USH2A: variants seen among roughly 807,000 people sequenced by gnomAD.
USH2A encodes the protein Usher syndrome 2A (autosomal recessive, mild).
Under a neutral mutation model 538.9 loss-of-function variants are expected in USH2A, and 443 were observed. The observed-to-expected ratio is 0.82, with a 90% CI of 0.76 to 0.89. USH2A has a LOEUF of 0.89. Ranked by LOEUF, USH2A falls within the 40% of genes least tolerant of loss-of-function variation. The pLI, the probability that USH2A is intolerant of heterozygous loss-of-function variation, is 0.00. For synonymous variants in USH2A, 2,413 were observed against 2,273.5 expected (o/e 1.06, Z -1.75); for missense variants, 6,633 against 6,324.8 (o/e 1.05, Z -1.65).
At chr1:215,706,900 GAATA>G (rs1431020068) in intron 61 of USH2A, among the ~76,000 whole-genome samples, 1 of 151,968 alleles carries the variant, frequency 6.6e-6, no homozygotes, top group Non-Finnish European at 1.5e-5. Context: ...TGTTTTAAAT[GAATA>G]AACAAAAAGA....
At chr1:215,822,973 T>C (rs925724981) in intron 47 of USH2A, among the ~76,000 whole-genome samples, 1 of 152,054 alleles carries the variant, frequency 6.6e-6, no homozygotes, top group Non-Finnish European at 1.5e-5. Context: ...CGTCTCAATT[T>C]GTATATTTTT....
intron 67 of USH2A, among the ~76,000 whole-genome samples, chr1:215,641,713 A>G (rs572335828): frequency 6.6e-6 from 1 of 152,200 alleles, no homozygotes; most frequent in Non-Finnish European, 1.5e-5. Context: ...ACTAAATTGA[A>G]TCTGATTCTT....
intron 58 of USH2A, among the ~76,000 whole-genome samples, chr1:215,751,646 T>C (rs77994689): frequency 0.12 from 17,760 of 152,156 alleles, 1,186 homozygotes; most frequent in Non-Finnish European, 0.14. Context: ...TTTTCACCTA[T>C]TAAGGTAACA....
intron 47 of USH2A, among the ~76,000 whole-genome samples, chr1:215,828,673 A>G (rs1663224492): frequency 2.6e-5 from 4 of 152,240 alleles, no homozygotes; most frequent in Middle Eastern, 6.8e-3. Flanking sequence ...CACATCCCCA[A>G]ACTGATTTGG....
chr1:215,867,221 A>T, intron 43 of USH2A, 51 bp from the exon 44 acceptor site: 1 of 1,572,568 alleles, frequency 6.4e-7, no homozygotes, highest in Non-Finnish European at 8.7e-7. Context: ...CTTTACAGAA[A>T]ATCTAACAAA....
In USH2A at chr1:216,056,801, T is replaced by A. The variant is rs565007014; in HGVS notation, c.6050-8154A>T. On this transcript the variant is annotated intron_variant, in intron 30 of 71. Transcript: ENST00000307340. ...GTGCATTTGTGTGTGTGTGTGTGTG[T>A]GTGAGAGAGAGAGATTGGGTTCAAT... Among the ~76,000 whole-genome samples, 451 of 150,862 alleles carry A rather than the reference T, an allele frequency of 3.0e-3. 5 individuals carry two copies. The highest frequency in any genetic ancestry group is 0.011 in the African/African-American group (443 of 40,208).
At chr1:216,245,031 T>A (rs2036009684) in intron 13 of USH2A, among the ~76,000 whole-genome samples, 1 of 152,074 alleles carries the variant, frequency 6.6e-6, no homozygotes, top group South Asian at 2.1e-4. Flanking sequence ...TTGCCAAAAT[T>A]AGAGATATTG....
chr1:216,380,946 T>C (rs1262364545), intron 3 of USH2A, among the ~76,000 whole-genome samples: 1 of 151,638 alleles, frequency 6.6e-6, no homozygotes, highest in Non-Finnish European at 1.5e-5. Flanking sequence ...TCTGAGCACA[T>C]ATGAATGAAT....
intron 61 of USH2A, among the ~76,000 whole-genome samples, chr1:215,719,636 AAAG>A (rs1378424850): frequency 1.3e-5 from 2 of 152,194 alleles, no homozygotes; most frequent in Non-Finnish European, 2.9e-5. Flanking sequence ...GTTTTTTCAA[AAAG>A]AAGGACTGCT....
intron 30 of USH2A, among the ~76,000 whole-genome samples, chr1:216,052,259 A>G (rs1319817374): frequency 2.6e-5 from 4 of 152,018 alleles, no homozygotes; most frequent in African/African-American, 9.7e-5. Flanking sequence ...GAGAAACTAG[A>G]TCATCTTTCA....
At chr1:216,392,003 C>T (rs2039117790) in intron 3 of USH2A, among the ~76,000 whole-genome samples, 1 of 152,112 alleles carries the variant, frequency 6.6e-6, no homozygotes, top group African/African-American at 2.4e-5. Flanking sequence ...GCCATTCATT[C>T]AGTGATACAT....
At position 216,323,480 on chromosome 1, in the gene USH2A, C is replaced by T; in HGVS notation, c.1544G>A (p.Ser515Asn). ...ACAAAATTCATAATAATACCTCCCA[C>T]TAATGGTGATTTCGTCCACTGCATA... ...RYYAVDEITI[S>N]GRCQCHGHAD... Residue 515 changes from serine (S) to asparagine (N), a missense_variant, in exon 8 of 72, where the codon AGT (serine) becomes AAT (asparagine). Coordinates refer to ENST00000307340, the MANE Select transcript of USH2A (RefSeq NM_206933.4). 2 of 1,613,324 alleles carry T rather than the reference C, an allele frequency of 1.2e-6. No homozygotes were observed. Among genetic ancestry groups the T allele is most frequent in the Non-Finnish European group, 1.7e-6 (2 of 1,179,632 alleles).
intron 29 of USH2A, among the ~76,000 whole-genome samples, chr1:216,071,227 A>G (rs1215466112): frequency 6.6e-6 from 1 of 152,118 alleles, no homozygotes; most frequent in African/African-American, 2.4e-5. Flanking sequence ...CTCCTCTCCG[A>G]CTTTACTGTC....
chr1:215,772,947 G>A (rs1003124910), intron 55 of USH2A, among the ~76,000 whole-genome samples: 3 of 152,192 alleles, frequency 2.0e-5, no homozygotes, highest in Non-Finnish European at 4.4e-5. Context: ...CTGCGGGTAA[G>A]TCATCTGTCC....
At chr1:215,683,766 T>C (rs1322919926) in intron 61 of USH2A, among the ~76,000 whole-genome samples, 4 of 151,910 alleles carry the variant, frequency 2.6e-5, no homozygotes, top group Admixed American at 6.6e-5. Context: ...TTTTCCTCTA[T>C]AGAGATTATC....
At chr1:215,771,880 G>A (rs139923881) in intron 55 of USH2A, among the ~76,000 whole-genome samples, 136 of 152,114 alleles carry the variant, frequency 8.9e-4, no homozygotes, top group Non-Finnish European at 1.5e-3. Flanking sequence ...TTAAGGGAAG[G>A]CAATATCTAA....
chr1:216,420,969 T>C (rs1022725920), intron 2 of USH2A, among the ~76,000 whole-genome samples: 8 of 152,084 alleles, frequency 5.3e-5, no homozygotes. Context: ...GCCAACGCTG[T>C]CACACACAGA....
intron 37 of USH2A, among the ~76,000 whole-genome samples, chr1:215,962,537 G>GGAAAA (rs1290293080): frequency 2.0e-5 from 3 of 151,824 alleles, no homozygotes; most frequent in African/African-American, 7.3e-5. Flanking sequence ...TTATTAAGAT[G>GGAAAA]GAAAAAAAGC....
chr1:216,022,073 G>T (rs1246406204), intron 32 of USH2A, among the ~76,000 whole-genome samples: 1 of 151,994 alleles, frequency 6.6e-6, no homozygotes, highest in African/African-American at 2.4e-5. Flanking sequence ...TGATATATCT[G>T]CTCCCCTTCA....
Sources: allele counts gnomAD v4.1 joint callset (sites outside exome capture counted in the v4.1 genomes callset), GRCh38; gene constraint gnomAD v4.1.1; transcripts MANE v1.5; gene names NCBI Gene and HGNC (gene_info 2026-07-23, HGNC 2026-07-21).